PDLIM4: variants seen among roughly 807,000 people sequenced by gnomAD.
PDLIM4 encodes PDZ and LIM domain 4, also known as PDZ and LIM domain protein 4.
Under a neutral mutation model 31.3 loss-of-function variants are expected in PDLIM4, and 19 were observed. The ratio of observed to expected loss-of-function variants is 0.61; its 90% CI spans 0.42 to 0.89. PDLIM4 has a LOEUF of 0.89. PDLIM4 is among the 40% of genes least tolerant of loss of function. PDLIM4 has a pLI of 0.00. For missense variants in PDLIM4, 442 were observed against 461.1 expected, an observed-to-expected ratio of 0.96 and a Z score of 0.38; for synonymous variants, 176 against 190.1, an observed-to-expected ratio of 0.93 and a Z score of 0.61.
At position 132,272,152 on chromosome 5, in the gene PDLIM4, G is replaced by A. The variant is rs1223503833; in HGVS notation, c.916G>A (p.Ala306Thr). 10 of 1,614,238 alleles carry A rather than the reference G, an allele frequency of 6.2e-6. No homozygotes were observed. Among genetic ancestry groups the A allele is most frequent in the Non-Finnish European group, 7.6e-6 (9 of 1,180,038 alleles). The change falls in exon 7 of 7, where the codon GCC becomes ACC. Residue 306 changes from alanine (A) to threonine (T), a missense_variant. By Grantham distance (58) the Ala-to-Thr change is moderately conservative (BLOSUM62 0). Transcript: ENST00000253754. The stretch of plus-strand genomic sequence containing the variant: ...CGAGCGGCTCTACTGTGAGAGCCAC[G>A]CCAAGGCGCGCGTGAAGCCGCCCGA... Reference protein sequence around the residue: ...LDERLYCESHAKARVKPPEGY... With the variant: ...LDERLYCESHTKARVKPPEGY...
At chr5:132,271,749 ACCT>A (rs1756624328) in intron 5 of PDLIM4, 39 bp from the exon 6 acceptor site, 6 of 1,337,140 alleles carry the variant, frequency 4.5e-6, no homozygotes, top group Admixed American at 1.7e-5. Context: ...TGGAGTTCTG[ACCT>A]CCTCACCCCG....
Position 132,272,041 on chromosome 5 carries a change from G to C in PDLIM4, c.805G>C (p.Ala269Pro). Residue 269 changes from alanine (A) to proline (P), a missense_variant, in exon 7 of 7, where the codon GCA becomes CCA. Transcript: ENST00000253754. ...GHGIVGTIVK[A>P]RDKLYHPECF... ...CCCCATCAGGGGCACCATCGTCAAG[G>C]CACGGGACAAGCTCTACCATCCCGA... 1.9e-6 allele frequency: 3 copies of C among 1,614,188 alleles called. No homozygotes were observed. The highest frequency in any genetic ancestry group is 2.5e-6 in the Non-Finnish European group (3 of 1,179,972).
chr5:132,271,816 C>T lies in PDLIM4; in HGVS notation c.696C>T (p.Pro232=), dbSNP rs755020798. The T allele has an allele frequency of 5.0e-6, 8 of 1,612,910 alleles. No homozygotes were observed. Among genetic ancestry groups the T allele is most frequent in the Non-Finnish European group, 6.8e-6 (8 of 1,179,492 alleles). ...GGGATTGGCCCGGGCCTGGCGGCCCCCGGAACCTCAAGCCCACGGCCAGCA... is the reference window on the plus strand; with the variant it reads ...GGGATTGGCCCGGGCCTGGCGGCCCTCGGAACCTCAAGCCCACGGCCAGCA... ...EGGDWPGPGG[P]RNLKPTASKL... is the part of the protein sequence containing the mutation. The change falls in exon 6 of 7, where the codon CCC becomes CCT. Residue 232 remains proline (P), a synonymous_variant. Coordinates refer to ENST00000253754, the MANE Select transcript of PDLIM4 (RefSeq NM_003687.4).
At chr5:132,266,741 G>C in intron 3 of PDLIM4, 196 bp downstream of exon 3, 1 of 469,816 alleles carries the variant, frequency 2.1e-6, no homozygotes, top group Non-Finnish European at 3.8e-6. Context: ...CCTGGTGTGG[G>C]CTCTGTCTCT....
chr5:132,259,137 CTGTGTGTGTGTG>C (rs70974028), intron 1 of PDLIM4, among the ~76,000 whole-genome samples: 1 of 146,206 alleles, frequency 6.8e-6, no homozygotes, highest in East Asian at 2.0e-4. Flanking sequence ...AGGATTCCTG[CTGTGTGTGTGTG>C]TGTGTGTGTG....
chr5:132,270,860 A>C, intron 3 of PDLIM4, 55 bp from the exon 4 acceptor site: 1 of 1,532,526 alleles, frequency 6.5e-7, no homozygotes, highest in Admixed American at 1.7e-5. Flanking sequence ...TGGGGTGAAC[A>C]AGGAATGGCT....
At position 132,272,183 on chromosome 5, in the gene PDLIM4, A is replaced by G; in HGVS notation, c.947A>G (p.Tyr316Cys). The G allele has an allele frequency of 6.2e-7, 1 of 1,614,218 alleles. No individual in the cohort carries two copies. The highest frequency in any genetic ancestry group is 1.1e-5 in the South Asian group (1 of 91,088). ...AKARVKPPEG[Y>C]DVVAVYPNAK... ...GCGCGCGTGAAGCCGCCCGAGGGCT[A>G]CGACGTGGTGGCGGTGTACCCCAAT... is the stretch of plus-strand genomic sequence containing the variant. The change falls in exon 7 of 7, where the codon TAC becomes TGC. Residue 316 changes from tyrosine (Y) to cysteine (C), a missense_variant. By Grantham distance (194) the Tyr-to-Cys change is radical. Transcript: ENST00000253754.
chr5:132,269,647 G>T (rs1756563249), intron 3 of PDLIM4, among the ~76,000 whole-genome samples: 1 of 152,020 alleles, frequency 6.6e-6, no homozygotes. Context: ...GAACCCCACA[G>T]GCTCAACTAT....
chr5:132,263,975 C>T (rs1041532361), intron 2 of PDLIM4, among the ~76,000 whole-genome samples: 5 of 152,240 alleles, frequency 3.3e-5, no homozygotes, highest in African/African-American at 9.7e-5. Context: ...CATCACCCTC[C>T]TCCAGACTGA....
At chr5:132,268,607 G>A (rs1756541500) in intron 3 of PDLIM4, among the ~76,000 whole-genome samples, 2 of 152,180 alleles carry the variant, frequency 1.3e-5, no homozygotes. Context: ...TATCCTTCTG[G>A]GTTAGTAGGG....
chr5:132,271,702 TG>T, intron 5 of PDLIM4, 88 bp from the exon 6 acceptor site: 1 of 1,062,246 alleles, frequency 9.4e-7, no homozygotes, highest in Non-Finnish European at 1.5e-6. Context: ...CGGGTGCCGA[TG>T]GCCCGTCTGG....
intron 4 of PDLIM4, 49 bp downstream of exon 4, chr5:132,271,142 T>C: frequency 6.4e-7 from 1 of 1,572,140 alleles, no homozygotes; most frequent in Non-Finnish European, 8.7e-7. Flanking sequence ...ATCTTAACCC[T>C]TGATCCCTCA....
rs778997358 is a variant in PDLIM4 at position 132,271,397 on chromosome 5, G to T, written c.601G>T (p.Val201Leu). The change falls in exon 5 of 7, where the codon GTG becomes TTG. Residue 201 changes from valine (V) to leucine (L), a missense_variant. Coordinates refer to ENST00000253754, the MANE Select transcript of PDLIM4 (RefSeq NM_003687.4). ...YRMLREPAEP[V>L]AAEPKQSGSF... ...GATGCTGCGGGAGCCAGCCGAGCCC[G>T]TGGCCGCGGAGCCCAAGCAGTCAGG... is the stretch of plus-strand genomic sequence containing the variant. 3 of 1,607,896 alleles carry T rather than the reference G, an allele frequency of 1.9e-6. No homozygotes were observed. The highest frequency in any genetic ancestry group is 2.5e-6 in the Non-Finnish European group (3 of 1,179,674).
rs1756674275 is a variant in PDLIM4, at chr5:132,273,333, C to A, written c.*1104C>A. 1 of 149,818 alleles carries A rather than the reference C, an allele frequency of 6.7e-6. No individual in the cohort carries two copies. The highest frequency in any genetic ancestry group is 1.5e-5 in the Non-Finnish European group (1 of 67,962). 9.3% of individuals were successfully genotyped at this position (149,818 alleles called of 1,614,324 possible). On this transcript the variant is annotated 3_prime_UTR_variant, in exon 7 of 7. Coordinates refer to ENST00000253754, the MANE Select transcript of PDLIM4 (RefSeq NM_003687.4). ...TCGCAAATCACAAAAAAACTGTTAT[C>A]AATTCACATTCATCATCAGCACGAG...
rs9895 is a variant in PDLIM4 at position 132,272,249 on chromosome 5, G to C, written c.*20G>C. The C allele has an allele frequency of 0.13, 204,206 of 1,594,742 alleles. 20,439 individuals are homozygous for C. Among genetic ancestry groups the C allele is most frequent in the African/African-American group, 0.45 (33,764 of 74,624 alleles). On this transcript the variant is annotated 3_prime_UTR_variant, in exon 7 of 7. Coordinates refer to ENST00000253754, the MANE Select transcript of PDLIM4 (RefSeq NM_003687.4). ...GTCTGAGCTGGGACCCTGCTCCCAC[G>C]CCTGCTTCTTAAGGTCCCTGCTCGG...
chr5:132,257,800 C>T lies in PDLIM4; in HGVS notation c.66C>T (p.Asp22=). 1.3e-6 allele frequency: 2 copies of T among 1,505,450 alleles called. No individual in the cohort carries two copies. The highest frequency in any genetic ancestry group is 1.8e-6 in the Non-Finnish European group (2 of 1,131,284). The allele number at this position is 1,505,450 out of a possible 1,614,324, so 93.3% of individuals were successfully genotyped here. ...PWGFRLVGGR[D]FSAPLTISRV... The stretch of plus-strand genomic sequence containing the variant: ...GCTTCCGCCTGGTGGGCGGCCGGGA[C>T]TTCAGCGCGCCCCTCACCATCTCAC... Residue 22 remains aspartate, a synonymous_variant, in exon 1 of 7, where the codon GAC becomes GAT. Transcript: ENST00000253754. The surrounding 1 kb of genome is among the most constrained non-coding windows in gnomAD (Gnocchi z 4.3).
chr5:132,271,930 C>T (rs1225236083), intron 6 of PDLIM4, 22 bp downstream of exon 6: 2 of 1,590,932 alleles, frequency 1.3e-6, no homozygotes, highest in Non-Finnish European at 1.7e-6. Context: ...CCCCCGCTGC[C>T]CCTCCCGGAC....
At chr5:132,264,892 C>G (rs1393862669) in intron 2 of PDLIM4, among the ~76,000 whole-genome samples, 1 of 152,086 alleles carries the variant, frequency 6.6e-6, no homozygotes, top group Non-Finnish European at 1.5e-5. Flanking sequence ...CTCTTGTGTA[C>G]AGAGAGCTCT....
At chr5:132,271,662 C>A in intron 5 of PDLIM4, 129 bp from the exon 6 acceptor site, 1 of 944,376 alleles carries the variant, frequency 1.1e-6, no homozygotes, top group Non-Finnish European at 1.7e-6. Flanking sequence ...TGCCCCTCAC[C>A]CCACGCCCGC....
Sources: gnomAD v4.1 joint callset for allele counts (sites outside exome capture counted in the v4.1 genomes callset) on GRCh38, gnomAD v4.1.1 for gene constraint, Gnocchi (gnomAD v3.1) non-coding constraint, MANE v1.5 for transcripts, NCBI Gene and HGNC (gene_info 2026-07-23, HGNC 2026-07-21) for gene names.